G6PC3: variants seen among roughly 807,000 people sequenced by gnomAD.
G6PC3 encodes the protein glucose-6-phosphatase 3.
A neutral mutation model predicts 38.6 loss-of-function variants in G6PC3; 30 were observed. That is an observed-to-expected ratio of 0.78 (90% CI 0.58 to 1.05). G6PC3 has a LOEUF of 1.05. Ranked by LOEUF, G6PC3 falls within the 50% of genes least tolerant of loss-of-function variation. The pLI, the probability that G6PC3 is intolerant of heterozygous loss-of-function variation, is 0.00. For missense variants in G6PC3, 377 were observed against 443.1 expected (o/e 0.85, Z 1.34); for synonymous variants, 192 against 178.1 (o/e 1.08, Z -0.62).
intron 1 of G6PC3, 142 bp from the exon 2 acceptor site, chr17:44,074,018 C>A (rs916282750): frequency 2.6e-6 from 2 of 767,206 alleles, no homozygotes; most frequent in African/African-American, 1.7e-5. Flanking sequence ...TCCATGGATA[C>A]CTTGAGAGCA....
In G6PC3 at chr17:44,073,939, G is replaced by GA. The variant is rs141277112; in HGVS notation, c.219-211dup. ...AGTGTTTCCACAGGCTGAGGGTTAG[G>GA]AAAAAAAAAAGAAAAGAAATAGTGT... On this transcript the variant is annotated intron_variant, in intron 1 of 5. Coordinates refer to ENST00000269097, the MANE Select transcript of G6PC3 (RefSeq NM_138387.4). 0.06 allele frequency: 28,452 copies of GA among 477,518 alleles called. 312 individuals are homozygous for GA. The highest frequency in any genetic ancestry group is 0.08 in the Non-Finnish European group (21,225 of 265,430). 29.6% of individuals were successfully genotyped at this position (477,518 alleles called of 1,614,324 possible). A position where few individuals can be genotyped will look rare whatever the true frequency, so the allele number is the denominator to read the frequency against.
chr17:44,070,938 C>T lies in G6PC3; in HGVS notation c.-28C>T, dbSNP rs957946608. The T allele has an allele frequency of 3.2e-6, 5 of 1,546,786 alleles. No homozygotes were observed. The highest frequency in any genetic ancestry group is 3.5e-6 in the Non-Finnish European group (4 of 1,146,852). On this transcript the variant is annotated 5_prime_UTR_variant, in exon 1 of 6. Coordinates refer to ENST00000269097, the MANE Select transcript of G6PC3 (RefSeq NM_138387.4). ...ACTCTGGTTTCCGCCCTGGAGCAAG[C>T]CGGGGCCTGGTCGGCAGCTGGGCCG...
rs1249650285 is a variant in G6PC3, at chr17:44,075,487, CT to C, written c.677+37del. ...CTTTGAAGCCTGGGCAGGCTGGGCCCTGTCCTATCTCGCCTGCACCTAGCCT... is the reference window on the plus strand; with the variant it reads ...CTTTGAAGCCTGGGCAGGCTGGGCCCGTCCTATCTCGCCTGCACCTAGCCT... On this transcript the variant is annotated intron_variant, in intron 5 of 5. Coordinates refer to ENST00000269097, the MANE Select transcript of G6PC3 (RefSeq NM_138387.4). 1.9e-6 allele frequency: 3 copies of C among 1,613,794 alleles called. No individual in the cohort carries two copies. The Admixed American group carries it at 5.0e-5, about 27-fold the overall frequency.
chr17:44,074,860 A>G, intron 3 of G6PC3, 90 bp downstream of exon 3: 1 of 1,484,452 alleles, frequency 6.7e-7, no homozygotes, highest in Non-Finnish European at 9.4e-7. Flanking sequence ...TGGGAGCTGG[A>G]GTTTTGGGGA....
At position 44,076,318 on chromosome 17, in the gene G6PC3, C is replaced by A. The variant is rs750678218; in HGVS notation, c.*275C>A. The A allele has an allele frequency of 3.8e-5, 25 of 662,678 alleles. No homozygotes were observed. The highest frequency in any genetic ancestry group is 3.6e-4 in the South Asian group (24 of 66,694). 41.0% of individuals were successfully genotyped at this position (662,678 alleles called of 1,614,324 possible). ...ACACTGTGAGGGGCAGCCAGGGCGG[C>A]CCCAATAAAGCCCTTGAATACTTTG... On this transcript the variant is annotated 3_prime_UTR_variant, in exon 6 of 6. Coordinates refer to ENST00000269097, the MANE Select transcript of G6PC3 (RefSeq NM_138387.4).
chr17:44,074,626 G>A, intron 2 of G6PC3, 54 bp from the exon 3 acceptor site: 7 of 1,501,414 alleles, frequency 4.7e-6, no homozygotes, highest in Non-Finnish European at 6.5e-6. Flanking sequence ...ATCACCAGGG[G>A]CCCCGGGGTT....
rs2050041902 is a variant in G6PC3, at chr17:44,074,647, C to G, written c.326-33C>G. 4 of 1,605,656 alleles carry G rather than the reference C, an allele frequency of 2.5e-6. No homozygotes were observed. In the East Asian group the frequency reaches 8.9e-5, roughly 36 times the overall value. The stretch of plus-strand genomic sequence containing the variant: ...AGGGGCCCCGGGGTTCTGCCTCCAT[C>G]TTCTCACCACGAGCTTCTGGATTTG... On this transcript the variant is annotated intron_variant, in intron 2 of 5. Transcript: ENST00000269097.
chr17:44,071,192 G>C lies in G6PC3; in HGVS notation c.218+9G>C, dbSNP rs371295401. On this transcript the variant is annotated intron_variant, in intron 1 of 5. Transcript: ENST00000269097. ...AACCTCATCTTCAAGTGGTGAGACA[G>C]AGAAGCCCTCCGGCATCCTGGTCCC... The C allele has an allele frequency of 1.9e-6, 3 of 1,611,492 alleles. No homozygotes were observed. In the African/African-American group the frequency reaches 4.0e-5, roughly 22 times the overall value.
At chr17:44,071,843 G>T in intron 1 of G6PC3, 1 of 431,150 alleles carries the variant, frequency 2.3e-6, no homozygotes, top group Non-Finnish European at 4.7e-6. Flanking sequence ...GTAAAGTTTG[G>T]GCTAAAGCAC....
chr17:44,074,298 A>T, intron 2 of G6PC3, 32 bp downstream of exon 2: 1 of 1,499,200 alleles, frequency 6.7e-7, no homozygotes. Context: ...CCCTTTCCCA[A>T]TGTGGTTAGG....
At chr17:44,074,061 C>T in intron 1 of G6PC3, 99 bp from the exon 2 acceptor site, 1 of 823,930 alleles carries the variant, frequency 1.2e-6, no homozygotes. Flanking sequence ...TTTGACTTCA[C>T]CCCTCAGGCC....
chr17:44,074,950 T>G lies in G6PC3; in HGVS notation c.417-19T>G, dbSNP rs767217023. On this transcript the variant is annotated intron_variant, in intron 3 of 5. Transcript: ENST00000269097. ...TGTGTATGGACACGCTCTGAGCTCC[T>G]TGCCTCTCTTCTTTCTAGCCGCTGG... is the stretch of plus-strand genomic sequence containing the variant. 3.1e-6 allele frequency: 5 copies of G among 1,603,050 alleles called. No individual in the cohort carries two copies. The South Asian group carries it at 4.4e-5, about 14-fold the overall frequency.
In G6PC3 at chr17:44,076,283, G is replaced by C. The variant is rs774355904; in HGVS notation, c.*240G>C. 1.1e-5 allele frequency: 8 copies of C among 697,654 alleles called. No individual in the cohort carries two copies. The South Asian group carries it at 1.2e-4, about 10-fold the overall frequency. The allele number at this position is 697,654 out of a possible 1,614,324, so 43.2% of individuals were successfully genotyped here. A position where few individuals can be genotyped will look rare whatever the true frequency, so the allele number is the denominator to read the frequency against. On this transcript the variant is annotated 3_prime_UTR_variant, in exon 6 of 6. Coordinates refer to ENST00000269097, the MANE Select transcript of G6PC3 (RefSeq NM_138387.4). The stretch of plus-strand genomic sequence containing the variant: ...AGCAAAGGCAACAGCAAGACCAGCG[G>C]GTTCTTGCAACACTGTGAGGGGCAG...
At position 44,075,804 on chromosome 17, in the gene G6PC3, C is replaced by G; in HGVS notation, c.802C>G (p.Pro268Ala). 1.2e-6 allele frequency: 2 copies of G among 1,611,714 alleles called. No homozygotes were observed. The highest frequency in any genetic ancestry group is 2.2e-5 in the East Asian group (1 of 44,872). ...ALGLGIALHS[P>A]CYAQVRRAQL... ...GGGCCTGGGCATTGCCTTGCACTCT[C>G]CCTGCTATGCCCAGGTGCGTCGGGC... is the stretch of plus-strand genomic sequence containing the variant. Residue 268 changes from proline (P) to alanine (A), a missense_variant, in exon 6 of 6, where the codon CCC becomes GCC. By Grantham distance (27) the Pro-to-Ala change is conservative. Transcript: ENST00000269097.
intron 1 of G6PC3, 40 bp downstream of exon 1, chr17:44,071,223 C>A: frequency 6.3e-7 from 1 of 1,597,520 alleles, no homozygotes; most frequent in Non-Finnish European, 8.5e-7. Flanking sequence ...GTCCCCACCC[C>A]CGAGGGCCCT....
In G6PC3 at chr17:44,071,600, TATTC is replaced by T. The variant is rs1449384405; in HGVS notation, c.218+425_218+428del. On this transcript the variant is annotated intron_variant, in intron 1 of 5. Coordinates refer to ENST00000269097, the MANE Select transcript of G6PC3 (RefSeq NM_138387.4). ...CTCTCAACTCACTTTTTCATTCATGTATTCATTCATTTGCTATAATTTTTCAGAA... is the reference window on the plus strand; with the variant it reads ...CTCTCAACTCACTTTTTCATTCATGTATTCATTTGCTATAATTTTTCAGAA... 1.1e-5 allele frequency: 14 copies of T among 1,252,920 alleles called. No individual in the cohort carries two copies. In the African/African-American group the frequency reaches 1.8e-4, roughly 16 times the overall value. 77.6% of individuals were successfully genotyped at this position (1,252,920 alleles called of 1,614,324 possible).
In G6PC3 at chr17:44,074,209, TA is replaced by T. The variant is rs2050032757; in HGVS notation, c.269del (p.Tyr90SerfsTer27). 4.3e-6 allele frequency: 7 copies of T among 1,614,130 alleles called. No individual in the cohort carries two copies. The highest frequency in any genetic ancestry group is 5.9e-6 in the Non-Finnish European group (7 of 1,180,002). On this transcript the variant is annotated frameshift_variant, in exon 2 of 6. Transcript: ENST00000269097. ...PFWWVHESGY[Y>X]SQAPAQVHQF... ...TTGGTGGGTCCATGAGTCTGGTTAC[TA>T]CAGCCAGGCTCCAGCCCAGGTTCAC...
chr17:44,070,996 A>T lies in G6PC3; in HGVS notation c.31A>T (p.Ile11Leu). 6.4e-7 allele frequency: 1 copy of T among 1,559,556 alleles called. No individual in the cohort carries two copies. The highest frequency in any genetic ancestry group is 8.7e-7 in the Non-Finnish European group (1 of 1,151,026). The change falls in exon 1 of 6, where the codon ATA becomes TTA. Residue 11 changes from isoleucine (I) to leucine (L), a missense_variant. Coordinates refer to ENST00000269097, the MANE Select transcript of G6PC3 (RefSeq NM_138387.4). The part of the protein sequence containing the change: MESTLGAGIV[I>L]AEALQNQLAW... ...GTCCACGCTGGGCGCGGGCATCGTG[A>T]TAGCCGAGGCGCTACAGAACCAGCT...
At chr17:44,071,219 AC>A in intron 1 of G6PC3, 36 bp downstream of exon 1, 3 of 1,598,728 alleles carry the variant, frequency 1.9e-6, no homozygotes, top group Non-Finnish European at 1.7e-6. Flanking sequence ...CCTGGTCCCC[AC>A]CCCCGAGGGC....
Sources: gnomAD v4.1 joint callset for allele counts on GRCh38, gnomAD v4.1.1 for gene constraint, MANE v1.5 for transcripts, NCBI Gene and HGNC (gene_info 2026-07-23, HGNC 2026-07-21) for gene names.